Variants in KLHL8 observed in about 807,000 individuals in gnomAD.
The protein encoded by KLHL8 is kelch-like protein 8.
In KLHL8, 38 loss-of-function variants were observed where a neutral mutation model predicts 63.5. That is an observed-to-expected ratio of 0.60 (90% confidence interval 0.46 to 0.78). The LOEUF is 0.78. KLHL8 is among the 30% of genes least tolerant of loss of function. The pLI is 0.00. For missense variants in KLHL8, 566 were observed against 752.4 expected, an observed-to-expected ratio of 0.75 and a Z score of 2.90; for synonymous variants, 224 against 254.3, an observed-to-expected ratio of 0.88 and a Z score of 1.13.
rs763954568 is a variant in KLHL8 at position 87,183,231 on chromosome 4, A to G, written c.924T>C (p.Ile308=). The change falls in exon 4 of 10, where the codon ATT becomes ATC. Residue 308 remains isoleucine (I), a synonymous_variant. Transcript: ENST00000273963. ...CAGTATGCTTCCTTGGGGTAGTCCG[A>G]ATGGAGTATTCAAAGTCAGGTACTG... is the stretch of plus-strand genomic sequence containing the variant. ...SRAVPDFEYS[I]RTTPRKHTAG... The G allele has an allele frequency of 2.5e-6, 4 of 1,611,412 alleles. No homozygotes were observed. The highest frequency in any genetic ancestry group is 3.4e-6 in the Non-Finnish European group (4 of 1,178,362).
At chr4:87,196,284 G>A (rs1291407870) in intron 1 of KLHL8, among the ~76,000 whole-genome samples, 1 of 151,978 alleles carries the variant, frequency 6.6e-6, no homozygotes, top group African/African-American at 2.4e-5. Context: ...CTTAACAGAT[G>A]ATAACAATTA....
At chr4:87,225,190 T>C (rs1476108721), upstream of KLHL8, among the ~76,000 whole-genome samples, 1 of 152,158 alleles carries the variant, frequency 6.6e-6, no homozygotes, top group Non-Finnish European at 1.5e-5. Context: ...TCATCTAGTA[T>C]TAACTTAGAA....
chr4:87,161,874 T>A lies in KLHL8; in HGVS notation c.*1645A>T, dbSNP rs1384306253. On this transcript the variant is annotated 3_prime_UTR_variant, in exon 10 of 10. Transcript: ENST00000273963. ...AAAAAAATAGCTTACTGGATTTATA[T>A]CTGCTTCATAAGAGACTTTTATCTG... The A allele has an allele frequency of 6.6e-6, 1 of 152,232 alleles. No homozygotes were observed. The highest frequency in any genetic ancestry group is 1.5e-5 in the Non-Finnish European group (1 of 68,042). The allele number at this position is 152,232 out of a possible 1,614,324, so 9.4% of individuals were successfully genotyped here. A position where few individuals can be genotyped will look rare whatever the true frequency, so the allele number is the denominator to read the frequency against.
intron 8 of KLHL8, among the ~76,000 whole-genome samples, chr4:87,164,301 A>G (rs751524301): frequency 6.6e-6 from 1 of 152,116 alleles, no homozygotes; most frequent in Non-Finnish European, 1.5e-5. Context: ...TTTCCTCAAT[A>G]CTAGGATTAA....
At chr4:87,211,168 A>C (rs1423317230) in intron 1 of KLHL8, among the ~76,000 whole-genome samples, 1 of 152,176 alleles carries the variant, frequency 6.6e-6, no homozygotes, top group East Asian at 1.9e-4. Context: ...ACTAGAGATT[A>C]TTTTTCTACT....
At chr4:87,187,770 T>C (rs1420637387) in intron 2 of KLHL8, among the ~76,000 whole-genome samples, 2 of 152,168 alleles carry the variant, frequency 1.3e-5, no homozygotes, top group Admixed American at 6.5e-5. Context: ...TGGGAAGATA[T>C]CTTCTTTTTA....
chr4:87,200,265 A>G (rs1731867254), intron 1 of KLHL8, among the ~76,000 whole-genome samples: 1 of 152,012 alleles, frequency 6.6e-6, no homozygotes, highest in South Asian at 2.1e-4. Flanking sequence ...GACTGGTTGC[A>G]GGATCCCTGC....
At position 87,178,764 on chromosome 4, in the gene KLHL8, T is replaced by C. The variant is rs910668378; in HGVS notation, c.953-144A>G. On this transcript the variant is annotated intron_variant, in intron 4 of 9. Coordinates refer to ENST00000273963, the MANE Select transcript of KLHL8 (RefSeq NM_020803.5). ...TGTTATTATGTTACTAGAAATCTAA[T>C]AAAATTTTCTTCTTGTCCCCTCAAA... 4 of 770,122 alleles carry C rather than the reference T, an allele frequency of 5.2e-6. No individual in the cohort carries two copies. The Admixed American group carries it at 1.1e-4, about 22-fold the overall frequency. 47.7% of individuals were successfully genotyped at this position (770,122 alleles called of 1,614,324 possible). A position where few individuals can be genotyped will look rare whatever the true frequency, so the allele number is the denominator to read the frequency against.
At chr4:87,218,994 C>T (rs1560719008) in intron 1 of KLHL8, among the ~76,000 whole-genome samples, 1 of 152,250 alleles carries the variant, frequency 6.6e-6, no homozygotes, top group Non-Finnish European at 1.5e-5. Flanking sequence ...GCCTCAATCT[C>T]CCAAAGTGCT....
intron 1 of KLHL8, among the ~76,000 whole-genome samples, chr4:87,216,504 A>G (rs1021708564): frequency 6.6e-6 from 1 of 150,622 alleles, no homozygotes; most frequent in African/African-American, 2.5e-5. Flanking sequence ...TTTCCCCAGA[A>G]AAGTATAAAT....
At chr4:87,191,778 T>C (rs918584310) in intron 2 of KLHL8, among the ~76,000 whole-genome samples, 8 of 147,518 alleles carry the variant, frequency 5.4e-5, no homozygotes, top group African/African-American at 2.0e-4. Context: ...CCTTCCCCCA[T>C]ATTGTATCCA....
intron 1 of KLHL8, among the ~76,000 whole-genome samples, chr4:87,202,703 A>G (rs142235086): frequency 6.6e-6 from 1 of 152,214 alleles, no homozygotes; most frequent in Non-Finnish European, 1.5e-5. Flanking sequence ...ATCTTCAAGC[A>G]CAGATGGTTT....
chr4:87,174,422 G>A (rs1730742789), intron 6 of KLHL8, among the ~76,000 whole-genome samples: 1 of 151,998 alleles, frequency 6.6e-6, no homozygotes, highest in Non-Finnish European at 1.5e-5. Context: ...GGGATTACAG[G>A]CACCCGCCAC....
chr4:87,233,487 G>A (rs578222637), intron 1 of KLHL8, among the ~76,000 whole-genome samples: 9 of 152,072 alleles, frequency 5.9e-5, no homozygotes, highest in Non-Finnish European at 1.2e-4. Context: ...ACACGAGAAT[G>A]GCTTGAATCC....
intron 1 of KLHL8, among the ~76,000 whole-genome samples, chr4:87,203,149 G>A (rs553761113): frequency 1.3e-4 from 20 of 152,278 alleles, no homozygotes; most frequent in African/African-American, 4.3e-4. Context: ...AGACTGGAAA[G>A]AAACAAAACT....
At chr4:87,172,970 C>G (rs541809399) in intron 6 of KLHL8, among the ~76,000 whole-genome samples, 1 of 152,292 alleles carries the variant, frequency 6.6e-6, no homozygotes, top group East Asian at 1.9e-4. Context: ...CAAAGCCCAT[C>G]AGATAAAATA....
intron 1 of KLHL8, among the ~76,000 whole-genome samples, chr4:87,231,577 T>G (rs1733138788): frequency 6.6e-6 from 1 of 152,206 alleles, no homozygotes; most frequent in South Asian, 2.1e-4. Flanking sequence ...TTGCTTGATA[T>G]AACTTCTATG....
intron 5 of KLHL8, among the ~76,000 whole-genome samples, chr4:87,178,189 G>A (rs1305414879): frequency 6.6e-6 from 1 of 152,166 alleles, no homozygotes; most frequent in East Asian, 1.9e-4. Flanking sequence ...AAGCTGATAT[G>A]TAATTATAAT....
intron 2 of KLHL8, among the ~76,000 whole-genome samples, chr4:87,193,852 A>C (rs1731587570): frequency 6.6e-6 from 1 of 152,198 alleles, no homozygotes; most frequent in Non-Finnish European, 1.5e-5. Context: ...TCGTTGACCA[A>C]AATGTCCTTA....
Sources: gnomAD v4.1 joint callset for allele counts (sites outside exome capture counted in the v4.1 genomes callset) on GRCh38, gnomAD v4.1.1 for gene constraint, MANE v1.5 for transcripts, NCBI Gene and HGNC (gene_info 2026-07-23, HGNC 2026-07-21) for gene names.